Variants in TMEM132C observed in about 807,000 individuals in gnomAD.
TMEM132C encodes the protein transmembrane protein 132C.
In TMEM132C, 29 loss-of-function variants were observed where a neutral mutation model predicts 61.4. The observed-to-expected ratio is 0.47, with a 90% CI of 0.35 to 0.64. The LOEUF (loss-of-function observed/expected upper bound fraction) is 0.64, where lower values mean the gene tolerates loss of function less well. TMEM132C is among the 30% of genes least tolerant of loss of function. TMEM132C has a pLI of 0.00. For missense variants in TMEM132C, 1,408 were observed against 1,476.9 expected, an observed-to-expected ratio of 0.95 and a Z score of 0.76; for synonymous variants, 656 against 633.1, an observed-to-expected ratio of 1.04 and a Z score of -0.54.
At chr12:128,605,621 C>G (rs1258615834) in intron 3 of TMEM132C, among the ~76,000 whole-genome samples, 1 of 152,114 alleles carries the variant, frequency 6.6e-6, no homozygotes, top group Non-Finnish European at 1.5e-5. Flanking sequence ...GGTGTGATAG[C>G]CTTCGACACC....
intron 2 of TMEM132C, among the ~76,000 whole-genome samples, chr12:128,426,296 G>A (rs1488895860): frequency 6.6e-6 from 1 of 152,202 alleles, no homozygotes; most frequent in Non-Finnish European, 1.5e-5. Context: ...TGATATCTGA[G>A]GATATGAGAA....
chr12:128,368,091 G>A (rs758358423), intron 1 of TMEM132C, among the ~76,000 whole-genome samples: 4 of 152,186 alleles, frequency 2.6e-5, no homozygotes, highest in Non-Finnish European at 4.4e-5. Context: ...AGACCAAGAA[G>A]GAGACAATAC....
At chr12:128,473,688 T>C (rs1467542280) in intron 2 of TMEM132C, among the ~76,000 whole-genome samples, 2 of 152,242 alleles carry the variant, frequency 1.3e-5, no homozygotes, top group Admixed American at 1.3e-4. Context: ...TCATCCTCAC[T>C]CCAGCCTCCA....
At chr12:128,267,815 C>G (rs1870363722) in intron 1 of TMEM132C, among the ~76,000 whole-genome samples, 1 of 152,154 alleles carries the variant, frequency 6.6e-6, no homozygotes, top group Non-Finnish European at 1.5e-5. Flanking sequence ...TCCGTGCGGA[C>G]CTGCCCCAGC....
chr12:128,498,228 C>T (rs998332325), intron 2 of TMEM132C, among the ~76,000 whole-genome samples: 10 of 152,152 alleles, frequency 6.6e-5, no homozygotes, highest in South Asian at 2.1e-4. Flanking sequence ...GGAAATGGGA[C>T]ACATACGGCC....
In TMEM132C at chr12:128,636,113, C is replaced by T. The variant is rs116369634; in HGVS notation, c.1305+19778C>T. ...TTGCCCAGGCTGGAGTGCAGTAGCA[C>T]GATCATAGCCCACTGCAGTCTTGAC... is the stretch of plus-strand genomic sequence containing the variant. On this transcript the variant is annotated intron_variant, in intron 4 of 8. Coordinates refer to ENST00000435159, the MANE Select transcript of TMEM132C (RefSeq NM_001136103.3). 2.7e-3 allele frequency among the ~76,000 whole-genome samples: 407 copies of T among 152,134 alleles called. 4 individuals carry two copies. The highest frequency in any genetic ancestry group is 8.9e-3 in the African/African-American group (371 of 41,494).
chr12:128,542,696 C>CATTT (rs1231426231), intron 2 of TMEM132C, among the ~76,000 whole-genome samples: 1 of 147,304 alleles, frequency 6.8e-6, no homozygotes, highest in Non-Finnish European at 1.5e-5. Flanking sequence ...CCAATCTCTA[C>CATTT]TAAAATACAA....
At chr12:128,638,273 C>T (rs1954118202) in intron 4 of TMEM132C, among the ~76,000 whole-genome samples, 2 of 152,182 alleles carry the variant, frequency 1.3e-5, no homozygotes, top group Non-Finnish European at 1.5e-5. Context: ...AATCCCCCTT[C>T]CAGGCAAACA....
intron 4 of TMEM132C, among the ~76,000 whole-genome samples, chr12:128,668,588 C>T (rs1231207063): frequency 6.6e-6 from 1 of 152,120 alleles, no homozygotes; most frequent in African/African-American, 2.4e-5. Flanking sequence ...CAGGATCTAG[C>T]CCGTAAGGAT....
chr12:128,647,737 C>T (rs554054110), intron 4 of TMEM132C, among the ~76,000 whole-genome samples: 25 of 150,022 alleles, frequency 1.7e-4, no homozygotes, highest in Admixed American at 4.6e-4. Context: ...AGTGTGTTCA[C>T]TAGATCCCAT....
At chr12:128,530,134 T>C (rs1470723804) in intron 2 of TMEM132C, among the ~76,000 whole-genome samples, 1 of 151,928 alleles carries the variant, frequency 6.6e-6, no homozygotes, top group African/African-American at 2.4e-5. Context: ...TGGTGAGATG[T>C]GCAGATGGAG....
Position 128,533,200 on chromosome 12 carries a change from A to G in TMEM132C, c.975-10757A>G, listed in dbSNP as rs190464315. ...CTGCGCAATGCCCAGGGTAGAGAAC[A>G]CTGGGCTAACAGGCTTAGTGCAATG... is the stretch of plus-strand genomic sequence containing the variant. On this transcript the variant is annotated intron_variant, in intron 2 of 8. Coordinates refer to ENST00000435159, the MANE Select transcript of TMEM132C (RefSeq NM_001136103.3). 2.9e-4 allele frequency among the ~76,000 whole-genome samples: 44 copies of G among 152,286 alleles called. 1 individual carries two copies. The East Asian group carries it at 8.5e-3, about 29-fold the overall frequency.
At position 128,570,510 on chromosome 12, in the gene TMEM132C, A is replaced by G. The variant is rs905041318; in HGVS notation, c.1121+26407A>G. Among the ~76,000 whole-genome samples the G allele has an allele frequency of 6.6e-6, 1 of 151,890 alleles. No individual in the cohort carries two copies. The highest frequency in any genetic ancestry group is 2.4e-5 in the African/African-American group (1 of 41,324). On this transcript the variant is annotated intron_variant, in intron 3 of 8. Coordinates refer to ENST00000435159, the MANE Select transcript of TMEM132C (RefSeq NM_001136103.3). The surrounding 1 kb of genome is among the most constrained non-coding windows in gnomAD (Gnocchi z 4.7). ...ATGGGTGTTTTTACTGATGCCATGA[A>G]CAGAAACTAGATTGCAGAGGCCTAA...
At chr12:128,666,415 T>G (rs1954475181) in intron 4 of TMEM132C, among the ~76,000 whole-genome samples, 7 of 152,286 alleles carry the variant, frequency 4.6e-5, no homozygotes, top group Admixed American at 2.6e-4. Flanking sequence ...CCTCCAGAAC[T>G]GTAAGAAACA....
At chr12:128,561,596 A>G (rs1246874013) in intron 3 of TMEM132C, among the ~76,000 whole-genome samples, 1 of 152,206 alleles carries the variant, frequency 6.6e-6, no homozygotes, top group Non-Finnish European at 1.5e-5. Flanking sequence ...CTGGACGATG[A>G]CCGTGTGGAC....
At chr12:128,378,363 G>A (rs545793258) in intron 1 of TMEM132C, among the ~76,000 whole-genome samples, 8 of 152,162 alleles carry the variant, frequency 5.3e-5, no homozygotes, top group East Asian at 1.9e-4. Flanking sequence ...TGATCCGCCC[G>A]CCTCGGCCTC....
rs111855427 is a variant in TMEM132C at position 128,389,137 on chromosome 12, T to C, written c.86-25595T>C. Among the ~76,000 whole-genome samples, 1,133 of 152,304 alleles carry C rather than the reference T, an allele frequency of 7.4e-3. 22 individuals carry two copies. The highest frequency in any genetic ancestry group is 0.026 in the African/African-American group (1,091 of 41,566). On this transcript the variant is annotated intron_variant, in intron 1 of 8. Transcript: ENST00000435159. The stretch of plus-strand genomic sequence containing the variant: ...CTCCAAGCGGTGCTAACTCCTTTAC[T>C]TTGTTCCTACTTCATTCATTCATTC...
At chr12:128,347,565 A>G (rs1038647901) in intron 1 of TMEM132C, among the ~76,000 whole-genome samples, 4 of 152,136 alleles carry the variant, frequency 2.6e-5, no homozygotes, top group Admixed American at 6.5e-5. Flanking sequence ...AGTAGCTGGG[A>G]TAACAGGCAT....
At chr12:128,499,927 A>G (rs1382111854) in intron 2 of TMEM132C, among the ~76,000 whole-genome samples, 3 of 152,116 alleles carry the variant, frequency 2.0e-5, no homozygotes, top group Non-Finnish European at 4.4e-5. Flanking sequence ...TGGATCATAT[A>G]ATTGTTCTAT....
Sources: gnomAD v4.1 joint callset for allele counts (sites outside exome capture counted in the v4.1 genomes callset) on GRCh38, gnomAD v4.1.1 for gene constraint, Gnocchi (gnomAD v3.1) non-coding constraint, MANE v1.5 for transcripts, NCBI Gene and HGNC (gene_info 2026-07-23, HGNC 2026-07-21) for gene names.